CCDC73: variants seen among roughly 807,000 people sequenced by gnomAD.
CCDC73 encodes the protein coiled-coil domain-containing protein 73.
In CCDC73, 95 loss-of-function variants were observed where a neutral mutation model predicts 116.5. The observed-to-expected ratio is 0.82, with a 90% CI of 0.69 to 0.97. The LOEUF is 0.97. Ranked by LOEUF, CCDC73 falls within the 50% of genes least tolerant of loss-of-function variation. The probability of loss-of-function intolerance (pLI) is 0.00; values close to 1 mark genes in which losing one functional copy is unlikely to be tolerated. For missense variants in CCDC73, 1,066 were observed against 1,206.8 expected (o/e 0.88, Z 1.73); for synonymous variants, 398 against 401.3 (o/e 0.99, Z 0.10).
chr11:32,638,777 G>GGTGATTTATTTTGTGCTTTCACAGT (rs1855704612), intron 13 of CCDC73, among the ~76,000 whole-genome samples: 1 of 151,820 alleles, frequency 6.6e-6, no homozygotes, highest in African/African-American at 2.4e-5. Context: ...GTGCCCAGCC[G>GGTGATTTATTTTGTGCTTTCACAGT]ATTGTTCTAT....
chr11:32,633,683 G>T (rs1380639926), intron 14 of CCDC73, among the ~76,000 whole-genome samples: 1 of 152,176 alleles, frequency 6.6e-6, no homozygotes, highest in African/African-American at 2.4e-5. Flanking sequence ...TATGTGAATT[G>T]CTGTCTACCA....
chr11:32,607,920 C>T (rs1855376912), intron 17 of CCDC73, among the ~76,000 whole-genome samples: 1 of 152,160 alleles, frequency 6.6e-6, no homozygotes. Context: ...CAAAAGAGAG[C>T]TTGTGCAGGG....
At position 32,605,615 on chromosome 11, in the gene CCDC73, TGGAAA is replaced by T. The variant is rs1359358352; in HGVS notation, c.3031-2600_3031-2596del. 3 of 152,188 alleles carry T rather than the reference TGGAAA, an allele frequency of 2.0e-5. No homozygotes were observed. The East Asian group carries it at 5.8e-4, about 29-fold the overall frequency. The allele number at this position is 152,188 out of a possible 1,614,324, so 9.4% of individuals were successfully genotyped here. A position where few individuals can be genotyped will look rare whatever the true frequency, so the allele number is the denominator to read the frequency against. On this transcript the variant is annotated intron_variant, in intron 17 of 17. Coordinates refer to ENST00000335185, the MANE Select transcript of CCDC73 (RefSeq NM_001008391.4). ...TTCTTTGACTTTTTTATCTTGATGA[TGGAAA>T]GGAAGGACACGTTTACTTGCTTTAG... is the stretch of plus-strand genomic sequence containing the variant.
intron 2 of CCDC73, among the ~76,000 whole-genome samples, chr11:32,738,465 C>T (rs765403204): frequency 2.6e-5 from 4 of 152,136 alleles, no homozygotes; most frequent in African/African-American, 4.8e-5. Context: ...TGATGTTGAA[C>T]ATCTTTTCAT....
At chr11:32,607,078 AAATTTTTTTTTT>A (rs1855361448) in intron 17 of CCDC73, among the ~76,000 whole-genome samples, 1 of 129,304 alleles carries the variant, frequency 7.7e-6, no homozygotes, top group Non-Finnish European at 1.6e-5. Context: ...AGCCAAAAAT[AAATTTTTTTTTT>A]TTTTTTTTTT....
At chr11:32,678,701 T>C (rs1222699818) in intron 7 of CCDC73, among the ~76,000 whole-genome samples, 4 of 151,908 alleles carry the variant, frequency 2.6e-5, no homozygotes, top group Non-Finnish European at 5.9e-5. Context: ...CTGGCCAACA[T>C]GGTGAAACCT....
intron 13 of CCDC73, among the ~76,000 whole-genome samples, chr11:32,640,810 G>T (rs574105648): frequency 1.3e-5 from 2 of 152,258 alleles, no homozygotes; most frequent in South Asian, 2.1e-4. Flanking sequence ...AAGGTCAGAA[G>T]ATCGAGACCA....
chr11:32,776,935 AAAT>A (rs1172174651), intron 1 of CCDC73, among the ~76,000 whole-genome samples: 25 of 29,438 alleles, frequency 8.5e-4, no homozygotes, highest in African/African-American at 2.0e-3. Flanking sequence ...TAAAAAAAAA[AAAT>A]ATATATATAT....
In CCDC73 at chr11:32,666,593, G is replaced by A. The variant is rs138495440; in HGVS notation, c.645+8972C>T. 8.9e-3 allele frequency among the ~76,000 whole-genome samples: 1,360 copies of A among 152,232 alleles called. 12 individuals carry two copies. Among genetic ancestry groups the A allele is most frequent in the Middle Eastern group, 0.014 (4 of 294 alleles). ...TTTTCAAGGTTTTTAGCTTCTTTGC[G>A]ATGGGTTCGACCTTCCTCCTTTAGC... On this transcript the variant is annotated intron_variant, in intron 9 of 17. Transcript: ENST00000335185.
intron 14 of CCDC73, among the ~76,000 whole-genome samples, chr11:32,617,392 A>G (rs1855483107): frequency 6.6e-6 from 1 of 151,712 alleles, no homozygotes; most frequent in South Asian, 2.1e-4. Context: ...CTACTATTAT[A>G]CACTCTAATG....
At chr11:32,647,844 C>G (rs933770821) in intron 12 of CCDC73, among the ~76,000 whole-genome samples, 1 of 150,198 alleles carries the variant, frequency 6.7e-6, no homozygotes, top group Admixed American at 6.6e-5. Context: ...AAAAAAAAAG[C>G]CTGATTTGAG....
At chr11:32,753,631 A>C (rs1850307392) in intron 2 of CCDC73, among the ~76,000 whole-genome samples, 1 of 151,800 alleles carries the variant, frequency 6.6e-6, no homozygotes, top group African/African-American at 2.4e-5. Context: ...TGCCCAGCTA[A>C]TTTTTTGTAT....
intron 1 of CCDC73, among the ~76,000 whole-genome samples, chr11:32,773,916 C>T (rs1164301128): frequency 6.6e-6 from 1 of 152,090 alleles, no homozygotes. Flanking sequence ...CATGTTTTCT[C>T]TCAGGTGTTT....
chr11:32,662,243 C>A (rs1267606689), intron 9 of CCDC73, among the ~76,000 whole-genome samples: 1 of 152,180 alleles, frequency 6.6e-6, no homozygotes, highest in African/African-American at 2.4e-5. Flanking sequence ...ACTTCTAGAT[C>A]CTTAAGGAAT....
At chr11:32,749,580 G>C (rs1565092420) in intron 2 of CCDC73, among the ~76,000 whole-genome samples, 1 of 152,070 alleles carries the variant, frequency 6.6e-6, no homozygotes, top group Non-Finnish European at 1.5e-5. Context: ...ATGCTTGTGA[G>C]TGTTCGTCAG....
Position 32,675,594 on chromosome 11 carries a change from GTTT to G in CCDC73, c.613_615del (p.Lys205del), listed in dbSNP as rs1284462909. 7.6e-6 allele frequency: 12 copies of G among 1,587,758 alleles called. No homozygotes were observed. The highest frequency in any genetic ancestry group is 1.0e-5 in the Non-Finnish European group (12 of 1,170,518). On this transcript the variant is annotated inframe_deletion, in exon 9 of 18. Coordinates refer to ENST00000335185, the MANE Select transcript of CCDC73 (RefSeq NM_001008391.4). Reference sequence around the variant, plus strand: ...TTTAAACTGCATATTTCAGCTTCTTGTTTTTTATTTAAAGCTGAAAGTCTTTTG... The same window carrying G: ...TTTAAACTGCATATTTCAGCTTCTTGTTTATTTAAAGCTGAAAGTCTTTTG...
At chr11:32,642,275 G>A (rs1211833631) in intron 12 of CCDC73, among the ~76,000 whole-genome samples, 193 bp from the exon 13 acceptor site, 1 of 151,936 alleles carries the variant, frequency 6.6e-6, no homozygotes, top group Non-Finnish European at 1.5e-5. Flanking sequence ...AAAATAGGGG[G>A]AGGTTTTGAT....
chr11:32,611,310 G>A, intron 16 of CCDC73, 45 bp from the exon 17 acceptor site: 1 of 1,565,946 alleles, frequency 6.4e-7, no homozygotes, highest in Non-Finnish European at 8.7e-7. Context: ...TTTTCTCTAG[G>A]TACTCATTTT....
chr11:32,731,440 C>T (rs779004413), intron 2 of CCDC73, among the ~76,000 whole-genome samples: 8 of 152,208 alleles, frequency 5.3e-5, no homozygotes, highest in South Asian at 2.1e-4. Context: ...TCTCCCAGCA[C>T]GGAGTTTGAG....
Sources: gnomAD v4.1 joint callset for allele counts (sites outside exome capture counted in the v4.1 genomes callset) on GRCh38, gnomAD v4.1.1 for gene constraint, MANE v1.5 for transcripts, NCBI Gene and HGNC (gene_info 2026-07-23, HGNC 2026-07-21) for gene names.